Variants in OLFML2A observed in about 807,000 individuals in gnomAD.
OLFML2A encodes the protein olfactomedin-like protein 2A.
A neutral mutation model predicts 60.9 loss-of-function variants in OLFML2A; 47 were observed. The observed-to-expected ratio is 0.77, with a 90% CI of 0.61 to 0.98. OLFML2A has a LOEUF of 0.98. OLFML2A is among the 50% of genes least tolerant of loss of function. OLFML2A has a pLI of 0.00. For synonymous variants in OLFML2A, 372 were observed against 375.0 expected (o/e 0.99, Z 0.09); for missense variants, 922 against 879.8 (o/e 1.05, Z -0.61).
intron 1 of OLFML2A, among the ~76,000 whole-genome samples, chr9:124,782,167 G>A (rs1841372946): frequency 6.6e-6 from 1 of 152,200 alleles, no homozygotes; most frequent in Non-Finnish European, 1.5e-5. Flanking sequence ...ATCTGTCCCA[G>A]CCCAATTGCT....
Position 124,810,331 on chromosome 9 carries a change from C to T in OLFML2A, c.1878C>T (p.Ile626=), listed in dbSNP as rs747950766. The change falls in exon 8 of 8, where the codon ATC becomes ATT. Residue 626 remains isoleucine (I), a synonymous_variant. Coordinates refer to ENST00000373580, the MANE Select transcript of OLFML2A (RefSeq NM_182487.4). ...FLNEHAYTTQ[I]DYNPKERVLY... ...ACGAGCACGCCTACACCACCCAGAT[C>T]GACTACAACCCCAAGGAGCGGGTGC... The T allele has an allele frequency of 6.2e-6, 10 of 1,605,946 alleles. No individual in the cohort carries two copies. The highest frequency in any genetic ancestry group is 5.9e-6 in the Non-Finnish European group (7 of 1,179,964).
At chr9:124,799,870 G>A (rs1841741430) in intron 4 of OLFML2A, among the ~76,000 whole-genome samples, 1 of 152,186 alleles carries the variant, frequency 6.6e-6, no homozygotes, top group Non-Finnish European at 1.5e-5. Context: ...CCCTGCTGTG[G>A]CTGGGTTGAG....
At position 124,807,855 on chromosome 9, in the gene OLFML2A, G is replaced by C. The variant is rs200440505; in HGVS notation, c.1243G>C (p.Glu415Gln). ...PVRHHSYGRH[E>Q]GAWMKDPAAR... ...GAGGCACCACAGCTATGGGCGCCAC[G>C]AGGGAGCCTGGATGAAGGACCCTGC... Residue 415 changes from glutamate to glutamine, a missense_variant, in exon 7 of 8, where the codon GAG (glutamate) becomes CAG (glutamine). Glu to Gln is a conservative substitution (Grantham distance 29). Transcript: ENST00000373580. 2 of 1,614,116 alleles carry C rather than the reference G, an allele frequency of 1.2e-6. No homozygotes were observed. Among genetic ancestry groups the C allele is most frequent in the Non-Finnish European group, 1.7e-6 (2 of 1,179,982 alleles).
At chr9:124,803,629 A>G (rs927136566) in intron 5 of OLFML2A, among the ~76,000 whole-genome samples, 1 of 152,214 alleles carries the variant, frequency 6.6e-6, no homozygotes, top group Non-Finnish European at 1.5e-5. Context: ...TCCATGGCAG[A>G]ATAATAGGAG....
At position 124,779,961 on chromosome 9, in the gene OLFML2A, T is replaced by G. The variant is rs1189702297; in HGVS notation, c.90+2601T>G. Among the ~76,000 whole-genome samples, 1 of 152,230 alleles carries G rather than the reference T, an allele frequency of 6.6e-6. No individual in the cohort carries two copies. ...CTTCCTGTTCCTGGGAGCTCTAGTC[T>G]GCCCTCTGGCCCAGCACATTCAGGG... On this transcript the variant is annotated intron_variant, in intron 1 of 7. Coordinates refer to ENST00000373580, the MANE Select transcript of OLFML2A (RefSeq NM_182487.4). This position sits in a 1 kb window ranked among gnomAD's most constrained non-coding sequence, Gnocchi z 4.1.
At chr9:124,794,298 G>C (rs2131260185) in intron 2 of OLFML2A, among the ~76,000 whole-genome samples, 1 of 152,316 alleles carries the variant, frequency 6.6e-6, no homozygotes, top group African/African-American at 2.4e-5. Flanking sequence ...CTGGCACTTT[G>C]GGGGCGAAGC....
At chr9:124,787,319 A>G (rs948058676) in intron 2 of OLFML2A, 81 bp downstream of exon 2, 6 of 1,375,766 alleles carry the variant, frequency 4.4e-6, no homozygotes, top group Non-Finnish European at 6.1e-6. Flanking sequence ...AATTCCACAC[A>G]CTCTGTGAGG....
chr9:124,809,016 A>T lies in OLFML2A; in HGVS notation c.1355-792A>T, dbSNP rs532593490. Among the ~76,000 whole-genome samples, 38 of 149,922 alleles carry T rather than the reference A, an allele frequency of 2.5e-4. No homozygotes were observed. In the East Asian group the frequency reaches 4.7e-3, roughly 18 times the overall value. On this transcript the variant is annotated intron_variant, in intron 7 of 7. Transcript: ENST00000373580. ...ACTAAAAAATTAAAAAAAAAAAAAA[A>T]ATTAGCTGGGTGTGGTGGCAGGCGC... is the stretch of plus-strand genomic sequence containing the variant.
At chr9:124,781,592 G>A (rs1841361892) in intron 1 of OLFML2A, among the ~76,000 whole-genome samples, 2 of 152,196 alleles carry the variant, frequency 1.3e-5, no homozygotes, top group Non-Finnish European at 2.9e-5. Context: ...TCAGGAGTTC[G>A]AGACCAGCCT....
rs1408970976 is a variant in OLFML2A, at chr9:124,807,780, G to A, written c.1169-1G>A. The A allele has an allele frequency of 6.2e-7, 1 of 1,609,102 alleles. No individual in the cohort carries two copies. Among genetic ancestry groups the A allele is most frequent in the Non-Finnish European group, 8.5e-7 (1 of 1,178,442 alleles). ...GATGCTGCCTGCCCTCCTCCCCACA[G>A]GCAGAGAGGCGAGCTGTGAGGGCAC... On this transcript the variant is annotated splice_acceptor_variant, in intron 6 of 7. Transcript: ENST00000373580. LOFTEE classifies it high-confidence loss of function.
intron 1 of OLFML2A, among the ~76,000 whole-genome samples, chr9:124,784,641 G>A (rs553607269): frequency 1.3e-5 from 2 of 152,190 alleles, no homozygotes; most frequent in East Asian, 1.9e-4. Context: ...GTGGCATTTG[G>A]TACATTCACA....
At chr9:124,805,525 C>T (rs1165728351) in intron 6 of OLFML2A, among the ~76,000 whole-genome samples, 2 of 152,012 alleles carry the variant, frequency 1.3e-5, no homozygotes, top group Non-Finnish European at 2.9e-5. Context: ...TGTATACTCA[C>T]AGTTTTTTAA....
intron 2 of OLFML2A, among the ~76,000 whole-genome samples, chr9:124,792,480 C>A (rs1841586561): frequency 1.3e-5 from 2 of 152,312 alleles, no homozygotes; most frequent in Admixed American, 6.5e-5. Flanking sequence ...CTGTGAGAGA[C>A]CAGGGTGCCC....
chr9:124,810,453 A>C lies in OLFML2A; in HGVS notation c.*41A>C. The C allele has an allele frequency of 1.3e-6, 2 of 1,548,624 alleles. No individual in the cohort carries two copies. Among genetic ancestry groups the C allele is most frequent in the Non-Finnish European group, 1.7e-6 (2 of 1,151,318 alleles). Reference sequence around the variant, plus strand: ...CCCCGGAGAGGGGCAGCAGTGCGGGAGGGGCTTTGCACAGCAGCTCCTGCA... The same window carrying C: ...CCCCGGAGAGGGGCAGCAGTGCGGGCGGGGCTTTGCACAGCAGCTCCTGCA... On this transcript the variant is annotated 3_prime_UTR_variant, in exon 8 of 8. Transcript: ENST00000373580.
chr9:124,782,528 C>T (rs1841380224), intron 1 of OLFML2A, among the ~76,000 whole-genome samples: 1 of 152,154 alleles, frequency 6.6e-6, no homozygotes, highest in Admixed American at 6.5e-5. Flanking sequence ...GAGGAGGAAG[C>T]TGAGGCTCAG....
chr9:124,784,794 T>C (rs1841426253), intron 1 of OLFML2A, among the ~76,000 whole-genome samples: 1 of 152,102 alleles, frequency 6.6e-6, no homozygotes, highest in Non-Finnish European at 1.5e-5. Context: ...GTTTGCTGTC[T>C]CTATGGACGT....
intron 2 of OLFML2A, among the ~76,000 whole-genome samples, chr9:124,787,522 T>TTTTTATTTTATTTTATTTTATTTTA (rs201285189): frequency 0.019 from 2,677 of 137,784 alleles, 104 homozygotes; most frequent in African/African-American, 0.061. Context: ...CAGTGGGTTG[T>TTTTTATTTTATTTTATTTTATTTTA]TTTTATTTTA....
Position 124,810,512 on chromosome 9 carries a change from A to C in OLFML2A, c.*100A>C. 1 of 1,261,512 alleles carries C rather than the reference A, an allele frequency of 7.9e-7. No homozygotes were observed. The highest frequency in any genetic ancestry group is 1.5e-5 in the African/African-American group (1 of 66,548). The allele number at this position is 1,261,512 out of a possible 1,614,324, so 78.1% of individuals were successfully genotyped here. A position where few individuals can be genotyped will look rare whatever the true frequency, so the allele number is the denominator to read the frequency against. On this transcript the variant is annotated 3_prime_UTR_variant, in exon 8 of 8. Coordinates refer to ENST00000373580, the MANE Select transcript of OLFML2A (RefSeq NM_182487.4). ...AGTCCGCAAATATTTATTGGGGGCCAGCCCAGGGCTGGGACTGGGCATGAG... is the reference window on the plus strand; with the variant it reads ...AGTCCGCAAATATTTATTGGGGGCCCGCCCAGGGCTGGGACTGGGCATGAG...
At chr9:124,790,841 G>A (rs1434972737) in intron 2 of OLFML2A, among the ~76,000 whole-genome samples, 2 of 152,144 alleles carry the variant, frequency 1.3e-5, no homozygotes. Flanking sequence ...GTTAAGGGGA[G>A]CCCACAGGAT....
Sources: allele counts gnomAD v4.1 joint callset (sites outside exome capture counted in the v4.1 genomes callset), GRCh38; gene constraint gnomAD v4.1.1; non-coding constraint Gnocchi (gnomAD v3.1); transcripts MANE v1.5; gene names NCBI Gene and HGNC (gene_info 2026-07-23, HGNC 2026-07-21).